The following NGDN variants were observed in gnomAD, a reference collection of about 807,000 sequenced individuals.
NGDN encodes neuroguidin.
Under a neutral mutation model 45.2 loss-of-function variants are expected in NGDN, and 41 were observed. The observed-to-expected ratio is 0.91, with a 90% CI of 0.71 to 1.18. The LOEUF (loss-of-function observed/expected upper bound fraction) is 1.18, where lower values mean the gene tolerates loss of function less well. Ranked by LOEUF, NGDN falls within the 50% of genes most tolerant of loss-of-function variation. The pLI is 0.00. For synonymous variants in NGDN, 137 were observed against 130.9 expected (o/e 1.05, Z -0.32); for missense variants, 402 against 399.9 (o/e 1.01, Z -0.05).
In NGDN at chr14:23,476,255, G is replaced by A. The variant is rs1364039286; in HGVS notation, c.561G>A (p.Glu187=). ...ATCATGTAGATGAAACAGAAGCTGA[G>A]CGGGAGAAGAAGCGTCTAGAACGAG... ...VPVHYDETEA[E]REKKRLERAK... The change falls in exon 8 of 11, where the codon GAG becomes GAA. Residue 187 remains glutamate (E), a synonymous_variant. Coordinates refer to ENST00000408901, the MANE Select transcript of NGDN (RefSeq NM_001042635.2). 6.2e-7 allele frequency: 1 copy of A among 1,614,172 alleles called. No individual in the cohort carries two copies. The highest frequency in any genetic ancestry group is 8.5e-7 in the Non-Finnish European group (1 of 1,180,014).
chr14:23,476,151 T>C lies in NGDN; in HGVS notation c.543T>C (p.Tyr181=). The change falls in exon 7 of 11, where the codon TAT becomes TAC. Residue 181 remains tyrosine (Y), a splice_region_variant and synonymous_variant. Coordinates refer to ENST00000408901, the MANE Select transcript of NGDN (RefSeq NM_001042635.2). ...YVPPRLVPVH[Y]DETEAEREKK... ...CTCCACGCTTGGTTCCAGTACATTATGGTATAAACTTTGGCTGCTGCCTCC... is the reference window on the plus strand; with the variant it reads ...CTCCACGCTTGGTTCCAGTACATTACGGTATAAACTTTGGCTGCTGCCTCC... 1 of 1,614,200 alleles carries C rather than the reference T, an allele frequency of 6.2e-7. No individual in the cohort carries two copies. Among genetic ancestry groups the C allele is most frequent in the Non-Finnish European group, 8.5e-7 (1 of 1,180,004 alleles).
rs773845229 is a variant in NGDN at position 23,477,494 on chromosome 14, T to G, written c.871-9T>G. The stretch of plus-strand genomic sequence containing the variant: ...AGTGCCATTCCATCACTTCTCCATC[T>G]GTCTCCAGGATCAGAATCCTATTAA... On this transcript the variant is annotated splice_polypyrimidine_tract_variant and intron_variant, in intron 9 of 10. Transcript: ENST00000408901. The G allele has an allele frequency of 6.2e-7, 1 of 1,614,210 alleles. No individual in the cohort carries two copies. The highest frequency in any genetic ancestry group is 8.5e-7 in the Non-Finnish European group (1 of 1,180,028).
chr14:23,471,903 A>G (rs1256188559), intron 3 of NGDN, among the ~76,000 whole-genome samples: 1 of 152,188 alleles, frequency 6.6e-6, no homozygotes, highest in African/African-American at 2.4e-5. Flanking sequence ...TATGAAAACC[A>G]TGTGCATCTT....
intron 3 of NGDN, among the ~76,000 whole-genome samples, chr14:23,472,647 T>G (rs2138721761): frequency 6.6e-6 from 1 of 152,368 alleles, no homozygotes; most frequent in African/African-American, 2.4e-5. Flanking sequence ...TGGTATTATC[T>G]GTTTTTATAT....
chr14:23,478,171 G>C lies in NGDN; in HGVS notation c.*145G>C. 1 of 765,610 alleles carries C rather than the reference G, an allele frequency of 1.3e-6. No individual in the cohort carries two copies. The highest frequency in any genetic ancestry group is 1.9e-5 in the South Asian group (1 of 51,852). 47.4% of individuals were successfully genotyped at this position (765,610 alleles called of 1,614,324 possible). A position where few individuals can be genotyped will look rare whatever the true frequency, so the allele number is the denominator to read the frequency against. On this transcript the variant is annotated 3_prime_UTR_variant, in exon 11 of 11. Transcript: ENST00000408901. ...TACTAATAAAATTGATTTTGCTTAT[G>C]AATTAAAGCCCCTTTTTGCACATGT...
chr14:23,475,440 T>G, intron 4 of NGDN, 118 bp from the exon 5 acceptor site: 1 of 1,347,970 alleles, frequency 7.4e-7, no homozygotes, highest in South Asian at 1.3e-5. Context: ...ATTTTTCTAT[T>G]CATTTGCTCT....
At position 23,476,557 on chromosome 14, in the gene NGDN, A is replaced by G. The variant is rs1893909483; in HGVS notation, c.713+150A>G. The G allele has an allele frequency of 7.0e-6, 6 of 861,954 alleles. No homozygotes were observed. In the South Asian group the frequency reaches 1.2e-4, roughly 18 times the overall value. 53.4% of individuals were successfully genotyped at this position (861,954 alleles called of 1,614,324 possible). On this transcript the variant is annotated intron_variant, in intron 8 of 10. Coordinates refer to ENST00000408901, the MANE Select transcript of NGDN (RefSeq NM_001042635.2). Reference sequence around the variant, plus strand: ...GGGATGATAGTTTCTAAGAATCAGGAGTTTGGAGTTCAGGATAGAAACTAG... The same window carrying G: ...GGGATGATAGTTTCTAAGAATCAGGGGTTTGGAGTTCAGGATAGAAACTAG...
intron 3 of NGDN, among the ~76,000 whole-genome samples, chr14:23,474,693 T>C (rs1323883972): frequency 6.6e-6 from 1 of 152,244 alleles, no homozygotes; most frequent in Admixed American, 6.5e-5. Context: ...TATCATATAA[T>C]TCCATTGTAT....
intron 2 of NGDN, 192 bp downstream of exon 2, chr14:23,470,293 A>G (rs2138719110): frequency 1.8e-6 from 1 of 570,352 alleles, no homozygotes; most frequent in East Asian, 3.0e-5. Flanking sequence ...AAGAAACTCC[A>G]AAAAGAAATT....
At chr14:23,470,186 T>C in intron 2 of NGDN, 85 bp downstream of exon 2, 1 of 1,152,840 alleles carries the variant, frequency 8.7e-7, no homozygotes, top group East Asian at 2.4e-5. Context: ...GTGATTGAGA[T>C]ACGTGAATGC....
chr14:23,477,513 C>G lies in NGDN; in HGVS notation c.881C>G (p.Pro294Arg). ...GTVHLDEDQN[P>R]IKKRKKIPQK... is the part of the protein sequence containing the mutation. ...TCCATCTGTCTCCAGGATCAGAATCCTATTAAGAAGCGGAAGAAGATACCT... is the reference window on the plus strand; with the variant it reads ...TCCATCTGTCTCCAGGATCAGAATCGTATTAAGAAGCGGAAGAAGATACCT... Residue 294 changes from proline to arginine, a missense_variant, in exon 10 of 11, where the codon CCT (proline) becomes CGT (arginine). By Grantham distance (103) the Pro-to-Arg change is moderately radical. Transcript: ENST00000408901. 2 of 1,614,116 alleles carry G rather than the reference C, an allele frequency of 1.2e-6. No homozygotes were observed. Among genetic ancestry groups the G allele is most frequent in the Non-Finnish European group, 1.7e-6 (2 of 1,180,006 alleles).
At chr14:23,470,157 A>C in intron 2 of NGDN, 56 bp downstream of exon 2, 1 of 1,477,976 alleles carries the variant, frequency 6.8e-7, no homozygotes, top group Admixed American at 1.7e-5. Flanking sequence ...GAGTTTGTGT[A>C]CTTCACCTCA....
chr14:23,473,495 T>G (rs1206899836), intron 3 of NGDN, among the ~76,000 whole-genome samples: 1 of 152,186 alleles, frequency 6.6e-6, no homozygotes, highest in East Asian at 1.9e-4. Context: ...TCATAATTAT[T>G]CTTTGTGGCA....
downstream of NGDN, chr14:23,478,329 G>T (rs776228282): frequency 1.5e-5 from 5 of 342,754 alleles, no homozygotes; most frequent in Non-Finnish European, 2.7e-5. Context: ...ACTAAAAATT[G>T]GTTACGTCAC....
At chr14:23,473,046 C>T (rs889070434) in intron 3 of NGDN, among the ~76,000 whole-genome samples, 3 of 152,180 alleles carry the variant, frequency 2.0e-5, no homozygotes, top group Admixed American at 2.0e-4. Context: ...GTCGCCCCGG[C>T]TGGAGTGCAG....
chr14:23,477,898 C>T, intron 10 of NGDN, 109 bp from the exon 11 acceptor site: 1 of 1,607,268 alleles, frequency 6.2e-7, no homozygotes, highest in South Asian at 1.1e-5. Context: ...CAGGGTACTG[C>T]CTAGGAGACC....
intron 2 of NGDN, 142 bp downstream of exon 2, chr14:23,470,243 C>T: frequency 1.5e-6 from 1 of 653,692 alleles, no homozygotes; most frequent in South Asian, 1.9e-5. Flanking sequence ...CCTTTTCACG[C>T]CAGAATTCTA....
At chr14:23,469,983 C>T in intron 1 of NGDN, 59 bp from the exon 2 acceptor site, 1 of 1,584,106 alleles carries the variant, frequency 6.3e-7, no homozygotes, top group Admixed American at 1.7e-5. Flanking sequence ...AGACGTTCCA[C>T]TTTCCTATAA....
At position 23,476,013 on chromosome 14, in the gene NGDN, AT is replaced by A; in HGVS notation, c.421-14del. On this transcript the variant is annotated splice_polypyrimidine_tract_variant and intron_variant, in intron 6 of 10. Transcript: ENST00000408901. ...ATGAATGCTTCCTAAATTTGCAGACATTGTTTCTTTTGTAGTTGAGCTCTGA... is the reference window on the plus strand; with the variant it reads ...ATGAATGCTTCCTAAATTTGCAGACATGTTTCTTTTGTAGTTGAGCTCTGA... The A allele has an allele frequency of 6.2e-7, 1 of 1,613,986 alleles. No individual in the cohort carries two copies. Among genetic ancestry groups the A allele is most frequent in the South Asian group, 1.1e-5 (1 of 91,080 alleles).
Sources: allele counts gnomAD v4.1 joint callset (sites outside exome capture counted in the v4.1 genomes callset), GRCh38; gene constraint gnomAD v4.1.1; transcripts MANE v1.5; gene names NCBI Gene and HGNC (gene_info 2026-07-23, HGNC 2026-07-21).